The following ZER1 variants were observed in gnomAD, a reference collection of about 807,000 sequenced individuals.
ZER1 encodes protein zer-1 homolog.
In ZER1, 11 loss-of-function variants were observed where a neutral mutation model predicts 78.8. The observed-to-expected ratio is 0.14, with a 90% CI of 0.09 to 0.23. The LOEUF is 0.23. ZER1 is among the 10% of genes least tolerant of loss of function. The pLI is 1.00. For missense variants in ZER1, 588 were observed against 996.9 expected (o/e 0.59, Z 5.52); for synonymous variants, 400 against 407.0 (o/e 0.98, Z 0.21).
At chr9:128,743,408 G>A (rs1026803141) in intron 8 of ZER1, among the ~76,000 whole-genome samples, 12 of 151,922 alleles carry the variant, frequency 7.9e-5, no homozygotes, top group African/African-American at 2.4e-4. Flanking sequence ...GAGCCACTGC[G>A]CCCAGCCTTC....
At chr9:128,738,190 G>A (rs1427839201) in intron 13 of ZER1, among the ~76,000 whole-genome samples, 1 of 147,788 alleles carries the variant, frequency 6.8e-6, no homozygotes. Flanking sequence ...GACTACAGGC[G>A]CATGCCACCA....
intron 1 of ZER1, among the ~76,000 whole-genome samples, chr9:128,770,608 C>T (rs1209298392): frequency 6.6e-6 from 1 of 152,194 alleles, no homozygotes; most frequent in African/African-American, 2.4e-5. Flanking sequence ...ATGGTCCTTC[C>T]TTCTCTATTT....
In ZER1 at chr9:128,754,174, T is replaced by C. The variant is rs1863782732; in HGVS notation, c.159-215A>G. Among the ~76,000 whole-genome samples, 1 of 152,164 alleles carries C rather than the reference T, an allele frequency of 6.6e-6. No homozygotes were observed. Among genetic ancestry groups the C allele is most frequent in the East Asian group, 1.9e-4 (1 of 5,190 alleles). On this transcript the variant is annotated intron_variant, in intron 2 of 15. Transcript: ENST00000291900. This position sits in a 1 kb window ranked among gnomAD's most constrained non-coding sequence, Gnocchi z 4.3. ...AAAGGCAGCTCTCTGGGAGACCTTC[T>C]AGGTGATGCAGGCGCCATCTCTCCC...
chr9:128,736,917 G>C (rs917282565), intron 13 of ZER1, among the ~76,000 whole-genome samples: 2 of 152,050 alleles, frequency 1.3e-5, no homozygotes, highest in Non-Finnish European at 2.9e-5. Flanking sequence ...GCTGAGGGGG[G>C]TGGATTGCCT....
intron 14 of ZER1, 136 bp downstream of exon 14, chr9:128,735,198 A>G: frequency 2.6e-6 from 2 of 771,544 alleles, no homozygotes; most frequent in Non-Finnish European, 2.0e-6. Flanking sequence ...CAAACGCTGG[A>G]AAGTGGAGGG....
chr9:128,734,144 A>AAAAAAAT, intron 14 of ZER1, among the ~76,000 whole-genome samples: 7 of 14,446 alleles, frequency 4.8e-4, no homozygotes, highest in African/African-American at 1.1e-3. Flanking sequence ...AAAAAAAAAA[A>AAAAAAAT]ATATATATAT....
At chr9:128,734,401 T>C (rs988890288) in intron 14 of ZER1, among the ~76,000 whole-genome samples, 25 of 151,050 alleles carry the variant, frequency 1.7e-4, no homozygotes, top group African/African-American at 5.8e-4. Context: ...TTCACTATGT[T>C]GGCCAGGGTG....
At chr9:128,766,024 A>T (rs1410442810) in intron 1 of ZER1, among the ~76,000 whole-genome samples, 1 of 152,234 alleles carries the variant, frequency 6.6e-6, no homozygotes, top group Admixed American at 6.5e-5. Flanking sequence ...CAAATGTATT[A>T]ATGATCCTAC....
At chr9:128,739,014 G>A (rs1046575458) in intron 13 of ZER1, among the ~76,000 whole-genome samples, 4 of 151,470 alleles carry the variant, frequency 2.6e-5, no homozygotes, top group Non-Finnish European at 4.4e-5. Context: ...ACCACGCCAG[G>A]TTAATTTTTG....
At chr9:128,735,918 C>G (rs940110925) in intron 13 of ZER1, among the ~76,000 whole-genome samples, 5 of 151,622 alleles carry the variant, frequency 3.3e-5, no homozygotes, top group Non-Finnish European at 4.4e-5. Context: ...ACTGAGACTA[C>G]AGGGGTGTGC....
At position 128,753,714 on chromosome 9, in the gene ZER1, A is replaced by C; in HGVS notation, c.309+95T>G. The C allele has an allele frequency of 6.4e-7, 1 of 1,560,122 alleles. No homozygotes were observed. Among genetic ancestry groups the C allele is most frequent in the Non-Finnish European group, 8.7e-7 (1 of 1,153,254 alleles). ...AGGGGGATGTGCACAGTCACGGTGC[A>C]CACTGGCTGGGCTGGGGATGGCTGG... On this transcript the variant is annotated intron_variant, in intron 3 of 15. Transcript: ENST00000291900. The surrounding 1 kb of genome is among the most constrained non-coding windows in gnomAD (Gnocchi z 7.5).
rs868144879 is a variant in ZER1, at chr9:128,761,609, T to G, written c.-94-5950A>C. Among the ~76,000 whole-genome samples the G allele has an allele frequency of 6.5e-3, 945 of 145,394 alleles. 16 individuals carry two copies. Among genetic ancestry groups the G allele is most frequent in the African/African-American group, 0.019 (726 of 39,126 alleles). Reference sequence around the variant, plus strand: ...CCCTATGACCCCATAATTTGTTTTTTTTTTTTTTTTTTTGAGACAGAGTCT... The same window carrying G: ...CCCTATGACCCCATAATTTGTTTTTGTTTTTTTTTTTTTGAGACAGAGTCT... On this transcript the variant is annotated intron_variant, in intron 1 of 15. Coordinates refer to ENST00000291900, the MANE Select transcript of ZER1 (RefSeq NM_006336.4).
At position 128,731,169 on chromosome 9, in the gene ZER1, A is replaced by C; in HGVS notation, c.*168T>G. ...AAAAAAAAATATATATATATAATAT[A>C]TATATATCTCACTAACATTAAGGAA... On this transcript the variant is annotated 3_prime_UTR_variant, in exon 16 of 16. Transcript: ENST00000291900. 1 of 342,074 alleles carries C rather than the reference A, an allele frequency of 2.9e-6. No individual in the cohort carries two copies. 21.2% of individuals were successfully genotyped at this position (342,074 alleles called of 1,614,324 possible). A position where few individuals can be genotyped will look rare whatever the true frequency, so the allele number is the denominator to read the frequency against.
chr9:128,758,748 C>A (rs1863943739), intron 1 of ZER1, among the ~76,000 whole-genome samples: 1 of 151,812 alleles, frequency 6.6e-6, no homozygotes, highest in Non-Finnish European at 1.5e-5. Flanking sequence ...CCAACCCTTA[C>A]TGCATTTAAT....
chr9:128,731,850 C>T (rs962442318), intron 15 of ZER1, among the ~76,000 whole-genome samples: 3 of 152,226 alleles, frequency 2.0e-5, no homozygotes, highest in African/African-American at 4.8e-5. Flanking sequence ...GGTCCAGGGT[C>T]GGGCAGGGGC....
At chr9:128,769,405 T>C (rs993165249) in intron 1 of ZER1, among the ~76,000 whole-genome samples, 2 of 151,884 alleles carry the variant, frequency 1.3e-5, no homozygotes, top group Non-Finnish European at 2.9e-5. Context: ...TCTTTTCTTT[T>C]CTTTCTTTCT....
At chr9:128,750,943 C>A (rs1020673628) in intron 7 of ZER1, among the ~76,000 whole-genome samples, 154 bp from the exon 8 acceptor site, 2 of 152,110 alleles carry the variant, frequency 1.3e-5, no homozygotes, top group African/African-American at 2.4e-5. Flanking sequence ...AGGGTGGGGA[C>A]CAAACAAGGC....
chr9:128,769,525 T>G (rs927867033), intron 1 of ZER1, among the ~76,000 whole-genome samples: 3 of 152,046 alleles, frequency 2.0e-5, no homozygotes, highest in African/African-American at 7.2e-5. Flanking sequence ...GCGATTCTCC[T>G]GCCTCAGCCT....
chr9:128,758,818 G>T (rs1329218380), intron 1 of ZER1, among the ~76,000 whole-genome samples: 1 of 152,064 alleles, frequency 6.6e-6, no homozygotes, highest in East Asian at 1.9e-4. Context: ...CAAAATCAGG[G>T]GAATCTCATC....
Sources: gnomAD v4.1 joint callset for allele counts (sites outside exome capture counted in the v4.1 genomes callset) on GRCh38, gnomAD v4.1.1 for gene constraint, Gnocchi (gnomAD v3.1) non-coding constraint, MANE v1.5 for transcripts, NCBI Gene and HGNC (gene_info 2026-07-23, HGNC 2026-07-21) for gene names.